The following ESR1 variants were observed in gnomAD, a reference collection of about 807,000 sequenced individuals.
ESR1 encodes the protein estrogen receptor 1.
ESR1 carries 12 observed loss-of-function variants against 52.7 expected under a neutral mutation model. That is an observed-to-expected ratio of 0.23 (90% CI 0.15 to 0.37). ESR1 has a LOEUF of 0.37. ESR1 is among the 10% of genes least tolerant of loss of function. ESR1 has a pLI of 1.00. For missense variants in ESR1, 584 were observed against 779.7 expected (o/e 0.75, Z 2.99); for synonymous variants, 305 against 316.8 (o/e 0.96, Z 0.39).
Position 151,842,803 on chromosome 6 carries a change from A to C in ESR1, c.643+16A>C. ...AGTATTCAAGGTAATAGTGTGTTGA[A>C]AACGACTTCTATTTTTGATCCTATG... On this transcript the variant is annotated intron_variant, in intron 2 of 7. Coordinates refer to ENST00000206249, the MANE Select transcript of ESR1 (RefSeq NM_000125.4). 6.2e-7 allele frequency: 1 copy of C among 1,612,140 alleles called. No individual in the cohort carries two copies. Among genetic ancestry groups the C allele is most frequent in the Non-Finnish European group, 8.5e-7 (1 of 1,178,356 alleles).
chr6:151,993,321 G>A (rs571740967), intron 4 of ESR1, among the ~76,000 whole-genome samples: 9 of 152,220 alleles, frequency 5.9e-5, no homozygotes, highest in African/African-American at 1.9e-4. Flanking sequence ...GACACCCAAC[G>A]CCTTTGCATT....
intron 1 of ESR1, among the ~76,000 whole-genome samples, chr6:151,670,480 G>A (rs1778010401): frequency 6.6e-6 from 1 of 152,140 alleles, no homozygotes; most frequent in Admixed American, 6.5e-5. Flanking sequence ...TTGGCTCCTG[G>A]CACATGGTAG....
At chr6:152,075,191 A>C (rs2048641704) in intron 6 of ESR1, among the ~76,000 whole-genome samples, 1 of 152,136 alleles carries the variant, frequency 6.6e-6, no homozygotes, top group Admixed American at 6.5e-5. Flanking sequence ...ACCCCGCAAC[A>C]TTTCTCTTGC....
chr6:152,002,062 G>A (rs1366815635), intron 4 of ESR1, among the ~76,000 whole-genome samples: 9 of 151,996 alleles, frequency 5.9e-5, no homozygotes, highest in South Asian at 2.1e-4. Context: ...CTCCCGTTTC[G>A]ACATTCTGAA....
intron 4 of ESR1, among the ~76,000 whole-genome samples, chr6:151,984,490 G>A (rs1026832752): frequency 2.0e-5 from 3 of 152,046 alleles, no homozygotes; most frequent in African/African-American, 7.3e-5. Context: ...AATGGCACTC[G>A]TATGTACAAA....
rs534428585 is a variant in ESR1 at position 152,017,717 on chromosome 6, C to T, written c.1235+5923C>T. Among the ~76,000 whole-genome samples the T allele has an allele frequency of 1.4e-4, 22 of 152,032 alleles. No individual in the cohort carries two copies. The South Asian group carries it at 3.1e-3, about 22-fold the overall frequency. ...TGAAAACAGGAGCAAAAGTGTTCAT[C>T]CTACTCATTCCTTGTGGGGTCTCTT... On this transcript the variant is annotated intron_variant, in intron 5 of 7. Coordinates refer to ENST00000206249, the MANE Select transcript of ESR1 (RefSeq NM_000125.4).
chr6:151,909,630 A>G (rs1797964273), intron 3 of ESR1, among the ~76,000 whole-genome samples: 1 of 152,170 alleles, frequency 6.6e-6, no homozygotes, highest in Non-Finnish European at 1.5e-5. Context: ...TGGAAGAAGC[A>G]TGGGTAAATG....
At chr6:152,070,839 T>C (rs1168935126) in intron 6 of ESR1, among the ~76,000 whole-genome samples, 1 of 139,094 alleles carries the variant, frequency 7.2e-6, no homozygotes, top group Non-Finnish European at 1.5e-5. Context: ...CTCCATTTCC[T>C]CTGAGTTTTT....
chr6:152,061,003 A>G lies in ESR1; in HGVS notation c.1248A>G (p.Lys416=), dbSNP rs1208938776. The change falls in exon 6 of 8, where the codon AAA becomes AAG. Residue 416 remains lysine, a synonymous_variant. Coordinates refer to ENST00000206249, the MANE Select transcript of ESR1 (RefSeq NM_000125.4). The surrounding 1 kb of genome is among the most constrained non-coding windows in gnomAD (Gnocchi z 4.3). ...PNLLLDRNQG[K]CVEGMVEIFD... is the part of the protein sequence containing the mutation. ...TATGTTTTCATAGGAACCAGGGAAA[A>G]TGTGTAGAGGGCATGGTGGAGATCT... The G allele has an allele frequency of 1.2e-6, 2 of 1,609,874 alleles. No individual in the cohort carries two copies. Among genetic ancestry groups the G allele is most frequent in the Admixed American group, 3.3e-5 (2 of 59,732 alleles).
intron 6 of ESR1, among the ~76,000 whole-genome samples, chr6:152,063,483 C>T (rs2047711377): frequency 6.6e-6 from 1 of 152,148 alleles, no homozygotes; most frequent in South Asian, 2.1e-4. Flanking sequence ...GAGCAGGGCT[C>T]CTCATGTCTC....
intron 2 of ESR1, among the ~76,000 whole-genome samples, chr6:151,868,461 C>T (rs1309225643): frequency 4.6e-5 from 7 of 152,076 alleles, no homozygotes; most frequent in South Asian, 2.1e-4. Flanking sequence ...TGCCCCTGTT[C>T]CTCCTTCCCA....
rs1778188269 is a variant in ESR1 at position 151,808,220 on chromosome 6, T to A, written c.308T>A (p.Val103Glu). 1 of 1,572,180 alleles carries A rather than the reference T, an allele frequency of 6.4e-7. No individual in the cohort carries two copies. The highest frequency in any genetic ancestry group is 8.6e-7 in the Non-Finnish European group (1 of 1,158,890). ...GGGGGTTTCCCCCCACTCAACAGCG[T>A]GTCTCCGAGCCCGCTGATGCTACTG... ...GLGGFPPLNS[V>E]SPSPLMLLHP... The change falls in exon 1 of 8, where the codon GTG becomes GAG. Residue 103 changes from valine (V) to glutamate (E), a missense_variant. By Grantham distance (121) the Val-to-Glu change is moderately radical (BLOSUM62 -2). Coordinates refer to ENST00000206249, the MANE Select transcript of ESR1 (RefSeq NM_000125.4).
In ESR1 at chr6:151,778,407, C is replaced by CTT. The variant is rs34516184; in HGVS notation, c.-70-29421_-70-29420dup. On this transcript the variant is annotated intron_variant, in intron 2 of 2. Coordinates refer to the ESR1 transcript ENST00000404742. Reference sequence around the variant, plus strand: ...CATTTTATGTTATGTATATTTACAACTTTTTTTTTTTTTTTTGAGACAGTG... The same window carrying CTT: ...CATTTTATGTTATGTATATTTACAACTTTTTTTTTTTTTTTTTTGAGACAGTG... 3.2e-3 allele frequency among the ~76,000 whole-genome samples: 450 copies of CTT among 142,662 alleles called. 1 individual carries two copies. Among genetic ancestry groups the CTT allele is most frequent in the South Asian group, 0.014 (62 of 4,450 alleles). 93.6% of individuals were successfully genotyped at this position (142,662 alleles called of 152,430 possible). A position where few individuals can be genotyped will look rare whatever the true frequency, so the allele number is the denominator to read the frequency against.
intron 4 of ESR1, among the ~76,000 whole-genome samples, chr6:152,002,162 G>A (rs549483408): frequency 6.7e-6 from 1 of 150,042 alleles, no homozygotes; most frequent in Non-Finnish European, 1.5e-5. Context: ...GCAACAACAG[G>A]TGTTCCTCTA....
intron 2 of ESR1, among the ~76,000 whole-genome samples, chr6:151,737,575 T>G (rs1414263789): frequency 6.6e-6 from 1 of 152,204 alleles, no homozygotes; most frequent in Non-Finnish European, 1.5e-5. Context: ...TGGTTCAAGA[T>G]GTCAAAGAAA....
rs537783285 is a variant in ESR1 at position 151,787,463 on chromosome 6, T to C, written c.-70-20380T>C. Among the ~76,000 whole-genome samples the C allele has an allele frequency of 2.0e-5, 3 of 152,348 alleles. 1 individual carries two copies. The highest frequency in any genetic ancestry group is 2.0e-4 in the Admixed American group (3 of 15,304). ...ATGGCCCTTTTATTGATATTGATTCTTCCTATTCATGAGCATGGAATGTTT... is the reference window on the plus strand; with the variant it reads ...ATGGCCCTTTTATTGATATTGATTCCTCCTATTCATGAGCATGGAATGTTT... On this transcript the variant is annotated intron_variant, in intron 2 of 2. Transcript: ENST00000404742.
At chr6:151,998,983 C>T (rs981598056) in intron 4 of ESR1, among the ~76,000 whole-genome samples, 1 of 152,058 alleles carries the variant, frequency 6.6e-6, no homozygotes, top group East Asian at 1.9e-4. Flanking sequence ...AACAGAGTTA[C>T]ATCATCTGTT....
chr6:151,981,790 C>T (rs543708474), intron 4 of ESR1, among the ~76,000 whole-genome samples: 2 of 152,198 alleles, frequency 1.3e-5, no homozygotes, highest in Non-Finnish European at 2.9e-5. Context: ...CTTACTCCAT[C>T]GGTAGACATA....
intron 4 of ESR1, among the ~76,000 whole-genome samples, chr6:151,964,259 A>C (rs1487482979): frequency 1.3e-5 from 2 of 152,138 alleles, no homozygotes; most frequent in Non-Finnish European, 2.9e-5. Flanking sequence ...ATCACTTTGG[A>C]TAGCATAGAT....
Sources: gnomAD v4.1 joint callset for allele counts (sites outside exome capture counted in the v4.1 genomes callset) on GRCh38, gnomAD v4.1.1 for gene constraint, Gnocchi (gnomAD v3.1) non-coding constraint, MANE v1.5 for transcripts, NCBI Gene and HGNC (gene_info 2026-07-23, HGNC 2026-07-21) for gene names.